CARS2: variants seen among roughly 807,000 people sequenced by gnomAD.
CARS2 encodes cysteinyl-tRNA synthetase 2, mitochondrial.
CARS2 carries 52 observed loss-of-function variants against 68.8 expected under a neutral mutation model. The ratio of observed to expected loss-of-function variants is 0.76; its 90% CI spans 0.61 to 0.95. The LOEUF is 0.95. CARS2 is among the 40% of genes least tolerant of loss of function. The pLI, the probability that CARS2 is intolerant of heterozygous loss-of-function variation, is 0.00. For missense variants in CARS2, 780 were observed against 754.2 expected (o/e 1.03, Z -0.40); for synonymous variants, 314 against 303.6 (o/e 1.03, Z -0.36).
intron 5 of CARS2, among the ~76,000 whole-genome samples, chr13:110,686,261 A>C (rs972001746): frequency 4.1e-4 from 51 of 123,560 alleles, no homozygotes; most frequent in African/African-American, 1.6e-3. Context: ...TTTTTTTTTG[A>C]GACAAGGTCT....
At chr13:110,712,534 G>GGA (rs1022144395) in intron 1 of CARS2, 2 of 314,806 alleles carry the variant, frequency 6.4e-6, no homozygotes, top group African/African-American at 4.4e-5. Flanking sequence ...GCCGGAAGGG[G>GGA]GGGGGCCGGC....
intron 6 of CARS2, chr13:110,677,950 GGAAGCCCCTCCAGCCGCCAGT>G (rs2063016032): frequency 6.5e-6 from 1 of 152,710 alleles, no homozygotes; most frequent in Non-Finnish European, 1.5e-5. Flanking sequence ...CCACCCCGGT[GGAAGCCCCTCCAGCCGCCAGT>G]GGGCAGCACG....
Position 110,665,353 on chromosome 13 carries a change from G to A in CARS2, c.920-1835C>T. The A allele has an allele frequency of 1.4e-6, 1 of 739,916 alleles. No individual in the cohort carries two copies. Among genetic ancestry groups the A allele is most frequent in the Non-Finnish European group, 1.7e-6 (1 of 605,860 alleles). The allele number at this position is 739,916 out of a possible 1,614,324, so 45.8% of individuals were successfully genotyped here. ...CGCAGCTACTAGAACAGCTGAGGCA[G>A]GAGAATTGCTTGAACCCAGGAGGCA... On this transcript the variant is annotated intron_variant, in intron 8 of 14. Transcript: ENST00000257347. This position sits in a 1 kb window ranked among gnomAD's most constrained non-coding sequence, Gnocchi z 4.3.
upstream of CARS2, among the ~76,000 whole-genome samples, chr13:110,710,528 G>C (rs971425486): frequency 6.6e-6 from 1 of 151,992 alleles, no homozygotes; most frequent in African/African-American, 2.4e-5. Flanking sequence ...CTGTTCTACG[G>C]AAAAGTTTTA....
intron 10 of CARS2, among the ~76,000 whole-genome samples, chr13:110,649,722 T>C (rs2139694504): frequency 6.6e-6 from 1 of 152,134 alleles, no homozygotes; most frequent in Middle Eastern, 3.4e-3. Flanking sequence ...GCAGTGTCAA[T>C]GGAGCAGAGG....
intron 2 of CARS2, among the ~76,000 whole-genome samples, chr13:110,704,733 G>A (rs971486002): frequency 1.3e-5 from 2 of 151,142 alleles, no homozygotes; most frequent in Non-Finnish European, 2.9e-5. Flanking sequence ...GAGCGACTCC[G>A]TCTCAAGAAA....
chr13:110,644,282 T>TA lies in CARS2; in HGVS notation c.1416+102dup, dbSNP rs534450356. ...CATGTTTTTAAACAGGTAAATACAT[T>TA]AGTGTGGCATCATAATGCTCTATTC... On this transcript the variant is annotated intron_variant, in intron 13 of 14. Transcript: ENST00000257347. The TA allele has an allele frequency of 1.1e-4, 152 of 1,339,558 alleles. No homozygotes were observed. In the African/African-American group the frequency reaches 1.3e-3, roughly 12 times the overall value. 83.0% of individuals were successfully genotyped at this position (1,339,558 alleles called of 1,614,324 possible).
chr13:110,649,159 C>G (rs1333938836), intron 10 of CARS2: 1 of 152,296 alleles, frequency 6.6e-6, no homozygotes, highest in Non-Finnish European at 1.5e-5. Context: ...ACACCACACA[C>G]AGATGCTGCA....
intron 2 of CARS2, among the ~76,000 whole-genome samples, chr13:110,702,789 C>T (rs945844739): frequency 6.6e-6 from 1 of 152,146 alleles, no homozygotes; most frequent in Admixed American, 6.5e-5. Flanking sequence ...TTGCAAGTGC[C>T]GGGCAGCCAA....
Position 110,647,101 on chromosome 13 carries a change from C to T in CARS2, c.1193G>A (p.Arg398Lys), listed in dbSNP as rs1228085729. The part of the protein sequence containing the change: ...GSVREAMLWE[R>K]LSSTKRAVKA... ...GCCGGGTGCTAGGCGGGCCTCTTAC[C>T]TCTCCCACAGCATCGCTTCCCTGAC... Residue 398 changes from arginine (R) to lysine (K), a missense_variant and splice_region_variant, in exon 11 of 15, where the codon AGG (arginine) becomes AAG (lysine). Transcript: ENST00000257347. 7 of 1,580,692 alleles carry T rather than the reference C, an allele frequency of 4.4e-6. No individual in the cohort carries two copies. Among genetic ancestry groups the T allele is most frequent in the Non-Finnish European group, 6.0e-6 (7 of 1,163,854 alleles).
Position 110,641,523 on chromosome 13 carries a change from G to T in CARS2, c.*14C>A. The T allele has an allele frequency of 1.2e-6, 2 of 1,607,132 alleles. No homozygotes were observed. Among genetic ancestry groups the T allele is most frequent in the Non-Finnish European group, 1.7e-6 (2 of 1,173,600 alleles). ...GCGTCTTGTCGTGAGCAGGTTCATG[G>T]CTGTGCTCCATCCTCAGCCCGCTGA... On this transcript the variant is annotated 3_prime_UTR_variant, in exon 15 of 15. Coordinates refer to ENST00000257347, the MANE Select transcript of CARS2 (RefSeq NM_024537.4).
At position 110,667,373 on chromosome 13, in the gene CARS2, A is replaced by C. The variant is rs751712957; in HGVS notation, c.886T>G (p.Cys296Gly). The C allele has an allele frequency of 4.3e-6, 7 of 1,613,612 alleles. No individual in the cohort carries two copies. In the African/African-American group the frequency reaches 5.3e-5, roughly 12 times the overall value. ...EIAQCEVFHQ[C>G]EQWGNYFLHS... ...AGAAAATAATTTCCCCACTGCTCGC[A>C]CTGATGAAAGACTTCGCACTGTGCA... Residue 296 changes from cysteine (C) to glycine (G), a missense_variant, in exon 8 of 15, where the codon TGC (cysteine) becomes GGC (glycine). Coordinates refer to ENST00000257347, the MANE Select transcript of CARS2 (RefSeq NM_024537.4).
intron 3 of CARS2, among the ~76,000 whole-genome samples, chr13:110,690,382 A>G (rs758174971): frequency 1.3e-5 from 2 of 152,162 alleles, no homozygotes; most frequent in Non-Finnish European, 2.9e-5. Flanking sequence ...CAGTTTTCCC[A>G]CAAGCATGAA....
At chr13:110,644,789 GCTGAGTGGGCA>G (rs541835845) in intron 12 of CARS2, 56 of 308,534 alleles carry the variant, frequency 1.8e-4, no homozygotes, top group African/African-American at 1.2e-3. Flanking sequence ...GTAGGTGGAG[GCTGAGTGGGCA>G]CTGGGCTGGG....
At chr13:110,656,628 T>A (rs555164795) in intron 9 of CARS2, among the ~76,000 whole-genome samples, 105 of 152,272 alleles carry the variant, frequency 6.9e-4, no homozygotes, top group Non-Finnish European at 8.2e-4. Context: ...CTCACGCCTG[T>A]AAGCCCAGCA....
chr13:110,667,654 C>CCGTA (rs1221493480), intron 7 of CARS2, among the ~76,000 whole-genome samples, 181 bp from the exon 8 acceptor site: 1 of 152,210 alleles, frequency 6.6e-6, no homozygotes, highest in Admixed American at 6.5e-5. Flanking sequence ...CATCACAAGC[C>CCGTA]CGTAATTCAT....
At chr13:110,674,370 T>C (rs1017399078) in intron 7 of CARS2, among the ~76,000 whole-genome samples, 4 of 148,910 alleles carry the variant, frequency 2.7e-5, no homozygotes, top group Non-Finnish European at 4.5e-5. Flanking sequence ...AAAACAGAGA[T>C]ATAGACCAAT....
rs192401600 is a variant in CARS2, at chr13:110,675,718, C to A, written c.785+1256G>T. Among the ~76,000 whole-genome samples the A allele has an allele frequency of 5.9e-5, 9 of 151,666 alleles. No individual in the cohort carries two copies. The East Asian group carries it at 1.7e-3, about 29-fold the overall frequency. On this transcript the variant is annotated intron_variant, in intron 7 of 14. Transcript: ENST00000257347. ...AGTTAAAATATAATGAAAAAAAAAACCCATTTCTACAAATAGGAAACATAC... is the reference window on the plus strand; with the variant it reads ...AGTTAAAATATAATGAAAAAAAAAAACCATTTCTACAAATAGGAAACATAC...
intron 3 of CARS2, among the ~76,000 whole-genome samples, chr13:110,691,842 G>A (rs996358740): frequency 2.8e-4 from 43 of 151,996 alleles, no homozygotes; most frequent in African/African-American, 8.0e-4. Flanking sequence ...GTTAGGGGGT[G>A]CAGGGAGGAG....
Sources: gnomAD v4.1 joint callset for allele counts (sites outside exome capture counted in the v4.1 genomes callset) on GRCh38, gnomAD v4.1.1 for gene constraint, Gnocchi (gnomAD v3.1) non-coding constraint, MANE v1.5 for transcripts, NCBI Gene and HGNC (gene_info 2026-07-23, HGNC 2026-07-21) for gene names.